Variants in UNC5D observed in about 807,000 individuals in gnomAD.
UNC5D encodes the protein unc-5 netrin receptor D, also known as netrin receptor UNC5D.
In UNC5D, 39 loss-of-function variants were observed where a neutral mutation model predicts 105.4. That is an observed-to-expected ratio of 0.37 (90% CI 0.29 to 0.48). The LOEUF (loss-of-function observed/expected upper bound fraction) is 0.48. UNC5D is among the 20% of genes least tolerant of loss of function. UNC5D has a pLI of 0.98. For synonymous variants in UNC5D, 452 were observed against 450.4 expected, an observed-to-expected ratio of 1.00 and a Z score of -0.04; for missense variants, 991 against 1,202.4, an observed-to-expected ratio of 0.82 and a Z score of 2.60.
At chr8:35,668,751 TAAC>T (rs1824588534) in intron 4 of UNC5D, among the ~76,000 whole-genome samples, 1 of 152,104 alleles carries the variant, frequency 6.6e-6, no homozygotes, top group South Asian at 2.1e-4. Context: ...GCATTAAAAA[TAAC>T]AAAGACGAGT....
In UNC5D at chr8:35,285,441, A is replaced by C. The variant is rs376058257; in HGVS notation, c.103+49554A>C. Among the ~76,000 whole-genome samples, 11 of 152,310 alleles carry C rather than the reference A, an allele frequency of 7.2e-5. No individual in the cohort carries two copies. In the East Asian group the frequency reaches 2.1e-3, roughly 29 times the overall value. On this transcript the variant is annotated intron_variant, in intron 1 of 16. Coordinates refer to ENST00000404895, the MANE Select transcript of UNC5D (RefSeq NM_080872.4). ...TTGGTTTCAGATGAAGCTTTGCATA[A>C]GTTCAATTTCTAGTGTTCTATGAAT... is the stretch of plus-strand genomic sequence containing the variant.
intron 1 of UNC5D, among the ~76,000 whole-genome samples, chr8:35,433,490 A>G (rs987095177): frequency 4.6e-5 from 7 of 152,176 alleles, no homozygotes; most frequent in Non-Finnish European, 8.8e-5. Context: ...AATTTCTATC[A>G]ACTCCCCCTT....
At chr8:35,588,119 A>G (rs1363095739) in intron 3 of UNC5D, among the ~76,000 whole-genome samples, 13 of 151,612 alleles carry the variant, frequency 8.6e-5, no homozygotes, top group Non-Finnish European at 1.5e-5. Flanking sequence ...ACAATGTGAC[A>G]ATGACTGCTT....
At position 35,726,343 on chromosome 8, in the gene UNC5D, G is replaced by A. The variant is rs750419325; in HGVS notation, c.1495G>A (p.Ala499Thr). The A allele has an allele frequency of 5.0e-6, 8 of 1,614,138 alleles. No individual in the cohort carries two copies. The highest frequency in any genetic ancestry group is 1.1e-5 in the South Asian group (1 of 91,082). Residue 499 changes from alanine to threonine, a missense_variant, in exon 10 of 17, where the codon GCT becomes ACT. Around this residue, in one of 3 missense-constraint regions of UNC5D, gnomAD observed 944 missense variants for 1,131.6 expected, o/e 0.83. Transcript: ENST00000404895. ...FMVSLGVSERAEYHGKNHSRT... is the reference protein window; with the variant it reads ...FMVSLGVSERTEYHGKNHSRT... ...GGTTTCCCTGGGAGTGTCTGAGAGA[G>A]CTGAGTACCACGGCAAGAATCATTC...
intron 1 of UNC5D, among the ~76,000 whole-genome samples, chr8:35,236,845 T>G (rs1024469368): frequency 2.0e-5 from 3 of 152,160 alleles, no homozygotes; most frequent in Admixed American, 6.5e-5. Context: ...CTTCTTTCCC[T>G]TTTTCCTTCT....
chr8:35,349,178 C>G (rs901078428), intron 1 of UNC5D, among the ~76,000 whole-genome samples: 4 of 151,792 alleles, frequency 2.6e-5, no homozygotes, highest in Non-Finnish European at 2.9e-5. Flanking sequence ...TTTTAACAGC[C>G]CTTTCAGATA....
At chr8:35,237,325 C>T (rs1457538610) in intron 1 of UNC5D, among the ~76,000 whole-genome samples, 1 of 151,810 alleles carries the variant, frequency 6.6e-6, no homozygotes, top group Non-Finnish European at 1.5e-5. Flanking sequence ...AAGCTTCAGC[C>T]ATTTAATTTA....
chr8:35,267,808 CA>C (rs1804990100), intron 1 of UNC5D, among the ~76,000 whole-genome samples: 1 of 152,046 alleles, frequency 6.6e-6, no homozygotes, highest in Non-Finnish European at 1.5e-5. Context: ...AAAGAACTGT[CA>C]AACATCAAAA....
chr8:35,595,512 A>G, intron 3 of UNC5D, 42 bp from the exon 4 acceptor site: 1 of 1,585,878 alleles, frequency 6.3e-7, no homozygotes, highest in Admixed American at 1.7e-5. Context: ...GAATAACACT[A>G]GACTTGAAAC....
At position 35,416,244 on chromosome 8, in the gene UNC5D, C is replaced by A. The variant is rs59411650; in HGVS notation, c.104-133048C>A. On this transcript the variant is annotated intron_variant, in intron 1 of 16. Transcript: ENST00000404895. ...GGAGACTGACTTGGTGTAGGGATGG[C>A]ACCTGCTGGCTACATTTTTTGATTG... Among the ~76,000 whole-genome samples the A allele has an allele frequency of 6.5e-3, 985 of 151,998 alleles. 10 individuals are homozygous for A. Among genetic ancestry groups the A allele is most frequent in the African/African-American group, 0.022 (924 of 41,444 alleles).
chr8:35,440,168 T>G (rs552432636), intron 1 of UNC5D, among the ~76,000 whole-genome samples: 2 of 151,994 alleles, frequency 1.3e-5, no homozygotes, highest in Non-Finnish European at 2.9e-5. Flanking sequence ...AACTCCATTC[T>G]TTGTTGTGGA....
intron 1 of UNC5D, among the ~76,000 whole-genome samples, chr8:35,512,539 G>GTGTATATATA (rs1487398679): frequency 2.5e-5 from 1 of 40,270 alleles, no homozygotes; most frequent in African/African-American, 1.3e-4. Context: ...AGATATGTAT[G>GTGTATATATA]TATATATATA....
intron 1 of UNC5D, among the ~76,000 whole-genome samples, chr8:35,341,679 G>T (rs1344695201): frequency 6.6e-6 from 1 of 152,064 alleles, no homozygotes; most frequent in Non-Finnish European, 1.5e-5. Context: ...TTTGATAGGA[G>T]AAATAACTAC....
At chr8:35,319,570 T>C (rs1324316857) in intron 1 of UNC5D, among the ~76,000 whole-genome samples, 1 of 152,156 alleles carries the variant, frequency 6.6e-6, no homozygotes, top group Non-Finnish European at 1.5e-5. Flanking sequence ...CATGAACTTC[T>C]GCCTTTCTCT....
At chr8:35,653,308 T>G (rs1017318023) in intron 4 of UNC5D, among the ~76,000 whole-genome samples, 2 of 152,062 alleles carry the variant, frequency 1.3e-5, no homozygotes, top group Non-Finnish European at 2.9e-5. Context: ...TATAGTAAAT[T>G]TCAACTATTT....
intron 1 of UNC5D, among the ~76,000 whole-genome samples, chr8:35,417,822 T>C (rs930806685): frequency 6.6e-6 from 1 of 152,212 alleles, no homozygotes; most frequent in Non-Finnish European, 1.5e-5. Context: ...TCTGCTTCCA[T>C]ATTTCTAAGC....
At chr8:35,710,655 T>G (rs1827881882) in intron 8 of UNC5D, among the ~76,000 whole-genome samples, 1 of 152,068 alleles carries the variant, frequency 6.6e-6, no homozygotes, top group Non-Finnish European at 1.5e-5. Context: ...GGATGGACCC[T>G]GACGGACATT....
chr8:35,254,451 T>G (rs1585422850), intron 1 of UNC5D: 1 of 152,204 alleles, frequency 6.6e-6, no homozygotes, highest in East Asian at 1.9e-4. Flanking sequence ...ACTATTAAAA[T>G]GCTGTCCAGA....
At chr8:35,379,628 G>C (rs1201360994) in intron 1 of UNC5D, among the ~76,000 whole-genome samples, 1 of 151,866 alleles carries the variant, frequency 6.6e-6, no homozygotes, top group Non-Finnish European at 1.5e-5. Context: ...TGTTCCTATG[G>C]ACCTATCCCT....
Sources: allele counts gnomAD v4.1 joint callset (sites outside exome capture counted in the v4.1 genomes callset), GRCh38; gene constraint gnomAD v4.1.1; regional missense constraint gnomAD v4.1.1; transcripts MANE v1.5; gene names NCBI Gene and HGNC (gene_info 2026-07-23, HGNC 2026-07-21).